Variants in EDC3 observed in about 807,000 individuals in gnomAD.
The protein encoded by EDC3 is enhancer of mRNA-decapping protein 3.
EDC3 carries 20 observed loss-of-function variants against 41.8 expected under a neutral mutation model. That is an observed-to-expected ratio of 0.48 (90% CI 0.34 to 0.70). EDC3 has a LOEUF of 0.70. Ranked by LOEUF, EDC3 falls within the 30% of genes least tolerant of loss-of-function variation. EDC3 has a pLI of 0.01. For synonymous variants in EDC3, 206 were observed against 243.2 expected (o/e 0.85, Z 1.42); for missense variants, 444 against 636.8 (o/e 0.70, Z 3.26).
chr15:74,681,020 AC>A (rs1424118617), intron 1 of EDC3, among the ~76,000 whole-genome samples: 3 of 152,222 alleles, frequency 2.0e-5, no homozygotes, highest in African/African-American at 7.2e-5. Context: ...AAAAGACTCG[AC>A]AAAAAGTACA....
At chr15:74,657,851 G>A (rs1019312139) in intron 3 of EDC3, among the ~76,000 whole-genome samples, 2 of 152,074 alleles carry the variant, frequency 1.3e-5, no homozygotes, top group East Asian at 1.9e-4. Context: ...TAGACCTTTC[G>A]GTTAACGTGA....
chr15:74,635,362 G>T, intron 6 of EDC3, 47 bp downstream of exon 6: 1 of 1,573,788 alleles, frequency 6.4e-7, no homozygotes, highest in Non-Finnish European at 8.7e-7. Context: ...CCATCAAACT[G>T]CTAAGGAGGG....
intron 2 of EDC3, 86 bp downstream of exon 2, chr15:74,674,875 T>C (rs2062784051): frequency 1.3e-6 from 2 of 1,501,092 alleles, no homozygotes; most frequent in Non-Finnish European, 9.2e-7. Flanking sequence ...AGCGGCCATA[T>C]GCCAAGAGAA....
intron 4 of EDC3, among the ~76,000 whole-genome samples, chr15:74,648,523 C>T (rs1191127556): frequency 5.3e-5 from 8 of 152,240 alleles, no homozygotes; most frequent in Non-Finnish European, 1.0e-4. Flanking sequence ...TCATTTGTGG[C>T]TTCACCAGCT....
intron 4 of EDC3, chr15:74,640,918 C>T (rs1327403371): frequency 3.5e-5 from 13 of 370,616 alleles, no homozygotes; most frequent in Non-Finnish European, 6.5e-5. Flanking sequence ...TTAGTGCTAT[C>T]GAGACCAGCA....
intron 1 of EDC3, among the ~76,000 whole-genome samples, chr15:74,689,153 G>GAAGTCATGTTATATTT (rs1283754974): frequency 1.4e-4 from 22 of 152,264 alleles, no homozygotes; most frequent in Non-Finnish European, 2.9e-4. Context: ...TATAACACAG[G>GAAGTCATGTTATATTT]AAGTCATGTT....
At position 74,671,454 on chromosome 15, in the gene EDC3, C is replaced by T. The variant is rs775342225; in HGVS notation, c.484+1G>A. On this transcript the variant is annotated splice_donor_variant, in intron 3 of 6. Coordinates refer to ENST00000315127, the MANE Select transcript of EDC3 (RefSeq NM_025083.5). LOFTEE classifies it high-confidence loss of function. This position sits in a 1 kb window ranked among gnomAD's most constrained non-coding sequence, Gnocchi z 4.6. ...AGAAATATCAACTTGACCCTACTTA[C>T]AGGAGTTGTGCCGACGACGGAAACT... The T allele has an allele frequency of 6.2e-7, 1 of 1,607,332 alleles. No homozygotes were observed. Among genetic ancestry groups the T allele is most frequent in the Non-Finnish European group, 8.5e-7 (1 of 1,174,458 alleles).
chr15:74,659,090 A>G (rs2062588892), intron 3 of EDC3, among the ~76,000 whole-genome samples: 2 of 152,342 alleles, frequency 1.3e-5, no homozygotes, highest in Middle Eastern at 3.4e-3. Context: ...TTGATGAAGC[A>G]CTCTGTGAGA....
At chr15:74,680,569 C>T (rs528461340) in intron 1 of EDC3, among the ~76,000 whole-genome samples, 175 of 152,274 alleles carry the variant, frequency 1.1e-3, no homozygotes, top group Non-Finnish European at 1.9e-3. Context: ...AGACTGAATG[C>T]TTTCCCTATA....
intron 4 of EDC3, among the ~76,000 whole-genome samples, chr15:74,653,089 A>G (rs1596310853): frequency 6.6e-6 from 1 of 151,830 alleles, no homozygotes; most frequent in African/African-American, 2.4e-5. Context: ...CTGAGGCAGG[A>G]GAATCGCTTG....
intron 1 of EDC3, among the ~76,000 whole-genome samples, chr15:74,690,440 C>T (rs891980837): frequency 8.5e-5 from 13 of 152,122 alleles, no homozygotes; most frequent in Non-Finnish European, 1.9e-4. Context: ...AAACAAGTTG[C>T]CAATTACAAA....
intron 1 of EDC3, chr15:74,695,616 A>C (rs748511306): frequency 6.6e-6 from 1 of 152,292 alleles, no homozygotes; most frequent in Non-Finnish European, 1.5e-5. Context: ...AGGCTGGACT[A>C]AGGGCCCAAG....
At position 74,671,232 on chromosome 15, in the gene EDC3, A is replaced by T. The variant is rs1238577625; in HGVS notation, c.484+223T>A. Among the ~76,000 whole-genome samples the T allele has an allele frequency of 4.6e-5, 7 of 152,170 alleles. 1 individual carries two copies. The highest frequency in any genetic ancestry group is 1.5e-5 in the Non-Finnish European group (1 of 68,026). ...GACTTTTCCTGAAGGAAGTGGTAAG[A>T]GAGGGCAGGAAGCTCACAGGCATCC... On this transcript the variant is annotated intron_variant, in intron 3 of 6. Transcript: ENST00000315127. This position sits in a 1 kb window ranked among gnomAD's most constrained non-coding sequence, Gnocchi z 4.6.
intron 3 of EDC3, among the ~76,000 whole-genome samples, chr15:74,662,444 T>TA (rs2062631825): frequency 6.7e-6 from 1 of 150,182 alleles, no homozygotes; most frequent in Non-Finnish European, 1.5e-5. Flanking sequence ...TATTTTTTTT[T>TA]TAAAAAGCAA....
intron 1 of EDC3, among the ~76,000 whole-genome samples, chr15:74,682,738 G>A (rs2062888247): frequency 6.6e-6 from 1 of 151,576 alleles, no homozygotes; most frequent in African/African-American, 2.4e-5. Context: ...AAACCTGTAC[G>A]TGGGCTGGGC....
At chr15:74,687,677 G>T (rs374341730) in intron 1 of EDC3, among the ~76,000 whole-genome samples, 64 of 152,172 alleles carry the variant, frequency 4.2e-4, no homozygotes, top group African/African-American at 1.5e-3. Context: ...CCTGGCCCTT[G>T]GGTAAATTTT....
intron 4 of EDC3, chr15:74,641,028 C>T: frequency 4.1e-6 from 1 of 243,300 alleles, no homozygotes; most frequent in Non-Finnish European, 8.0e-6. Context: ...TCCTCACAAG[C>T]AGGCCCCTTG....
chr15:74,657,823 G>A (rs545275903), intron 3 of EDC3, among the ~76,000 whole-genome samples: 1 of 152,286 alleles, frequency 6.6e-6, no homozygotes, highest in East Asian at 1.9e-4. Context: ...TTGCTATTCT[G>A]ACTTACAAAC....
At chr15:74,649,825 G>T (rs913880378) in intron 4 of EDC3, among the ~76,000 whole-genome samples, 15 of 146,308 alleles carry the variant, frequency 1.0e-4, no homozygotes. Context: ...TGCTTTCTCT[G>T]GGCTCAGGCA....
Sources: allele counts gnomAD v4.1 joint callset (sites outside exome capture counted in the v4.1 genomes callset), GRCh38; gene constraint gnomAD v4.1.1; non-coding constraint Gnocchi (gnomAD v3.1); transcripts MANE v1.5; gene names NCBI Gene and HGNC (gene_info 2026-07-23, HGNC 2026-07-21).